Variants in STAB1 observed in about 807,000 individuals in gnomAD.
The protein encoded by STAB1 is stabilin 1.
A neutral mutation model predicts 332.4 loss-of-function variants in STAB1; 250 were observed. That is an observed-to-expected ratio of 0.75 (90% CI 0.68 to 0.84). The LOEUF is 0.84. Ranked by LOEUF, STAB1 falls within the 40% of genes least tolerant of loss-of-function variation. STAB1 has a pLI of 0.00. For missense variants in STAB1, 3,249 were observed against 3,489.7 expected, an observed-to-expected ratio of 0.93 and a Z score of 1.74; for synonymous variants, 1,475 against 1,390.4, an observed-to-expected ratio of 1.06 and a Z score of -1.35.
At chr3:52,498,704 C>G (rs1023451250) in intron 1 of STAB1, among the ~76,000 whole-genome samples, 1 of 152,232 alleles carries the variant, frequency 6.6e-6, no homozygotes, top group Admixed American at 6.5e-5. Context: ...GGTCCACAGC[C>G]AGAATGGTGA....
intron 30 of STAB1, among the ~76,000 whole-genome samples, 155 bp downstream of exon 30, chr3:52,513,396 C>T (rs1270388871): frequency 2.6e-5 from 4 of 152,202 alleles, no homozygotes; most frequent in Non-Finnish European, 5.9e-5. Flanking sequence ...GCTCAGGACG[C>T]ATTGCTGATG....
At chr3:52,509,360 A>G (rs1490992885) in intron 22 of STAB1, 39 bp downstream of exon 22, 3 of 1,584,224 alleles carry the variant, frequency 1.9e-6, no homozygotes, top group Non-Finnish European at 2.6e-6. Flanking sequence ...TAGGGAGAAA[A>G]AACGTCTGCC....
At chr3:52,515,894 C>T in intron 37 of STAB1, 149 bp from the exon 38 acceptor site, 1 of 913,308 alleles carries the variant, frequency 1.1e-6, no homozygotes, top group South Asian at 1.8e-5. Flanking sequence ...ATCTCTGTGT[C>T]TCTTTCAGCT....
In STAB1 at chr3:52,523,904, G is replaced by A. The variant is rs1217673201; in HGVS notation, c.7429G>A (p.Ala2477Thr). The part of the protein sequence containing the change: ...AVLAPEAPPV[A>T]AGVGAVLAAG... ...GCTGGCGCCTGAAGCCCCACCTGTG[G>A]CGGCAGGCGTGGGGGCTGTGCTTGC... is the stretch of plus-strand genomic sequence containing the variant. The change falls in exon 67 of 69, where the codon GCG becomes ACG. Residue 2477 changes from alanine (A) to threonine (T), a missense_variant. Transcript: ENST00000321725. 6.2e-7 allele frequency: 1 copy of A among 1,606,966 alleles called. No individual in the cohort carries two copies. The highest frequency in any genetic ancestry group is 1.7e-5 in the Admixed American group (1 of 59,972).
At chr3:52,507,510 T>C (rs542917370) in intron 18 of STAB1, 103 bp from the exon 19 acceptor site, 3 of 1,275,086 alleles carry the variant, frequency 2.4e-6, no homozygotes, top group Middle Eastern at 1.9e-4. Flanking sequence ...TGTGGTTGGC[T>C]CTTCTCATCC....
chr3:52,500,514 T>C (rs1033979810), intron 1 of STAB1, among the ~76,000 whole-genome samples: 4 of 152,202 alleles, frequency 2.6e-5, no homozygotes, highest in African/African-American at 9.7e-5. Flanking sequence ...AGAAAGCCCT[T>C]GCGCTTGGTT....
intron 60 of STAB1, 38 bp downstream of exon 60, chr3:52,522,512 C>G: frequency 1.9e-6 from 3 of 1,613,068 alleles, no homozygotes; most frequent in Non-Finnish European, 2.5e-6. Context: ...CCATTTCATT[C>G]CTCAGAGCCG....
chr3:52,519,684 G>A, intron 50 of STAB1, 120 bp downstream of exon 50: 1 of 1,419,532 alleles, frequency 7.0e-7, no homozygotes, highest in African/African-American at 1.4e-5. Flanking sequence ...GTGTGAGCCT[G>A]TGTGAACTCA....
chr3:52,500,424 C>G (rs1386318736), intron 1 of STAB1, among the ~76,000 whole-genome samples: 2 of 152,266 alleles, frequency 1.3e-5, no homozygotes, highest in African/African-American at 4.8e-5. Context: ...ACTTGCAGAC[C>G]AGAGTCCCTG....
Position 52,520,128 on chromosome 3 carries a change from C to T in STAB1, c.5412+8C>T. 1 of 1,611,598 alleles carries T rather than the reference C, an allele frequency of 6.2e-7. No individual in the cohort carries two copies. Among genetic ancestry groups the T allele is most frequent in the Non-Finnish European group, 8.5e-7 (1 of 1,178,762 alleles). ...ATGATTCGCAATGTCGAGGTGGGTG[C>T]AGCCCCCAACCTTGGTCTTCACTGC... On this transcript the variant is annotated splice_region_variant and intron_variant, in intron 51 of 68. Transcript: ENST00000321725.
chr3:52,500,381 G>A (rs1708354699), intron 1 of STAB1, among the ~76,000 whole-genome samples: 1 of 152,238 alleles, frequency 6.6e-6, no homozygotes, highest in Admixed American at 6.5e-5. Flanking sequence ...GGCTGGCATG[G>A]CCCGTTGTCT....
chr3:52,508,073 C>T, intron 20 of STAB1, 47 bp downstream of exon 20: 1 of 1,582,218 alleles, frequency 6.3e-7, no homozygotes, highest in African/African-American at 1.3e-5. Flanking sequence ...TGGGCACCTG[C>T]TGTTCCTCGG....
chr3:52,524,387 C>T lies in STAB1; in HGVS notation c.*31C>T, dbSNP rs1230792815. Reference sequence around the variant, plus strand: ...CTGGGGCTGAAAGCAGAAGCATGCACAGGGAGGAGACCACTTTTATTGCTT... The same window carrying T: ...CTGGGGCTGAAAGCAGAAGCATGCATAGGGAGGAGACCACTTTTATTGCTT... On this transcript the variant is annotated 3_prime_UTR_variant, in exon 69 of 69. Transcript: ENST00000321725. 6.2e-7 allele frequency: 1 copy of T among 1,613,230 alleles called. No homozygotes were observed. The highest frequency in any genetic ancestry group is 8.5e-7 in the Non-Finnish European group (1 of 1,179,776).
At position 52,513,925 on chromosome 3, in the gene STAB1, T is replaced by G; in HGVS notation, c.3391T>G (p.Leu1131Val). Residue 1131 changes from leucine to valine, a missense_variant, in exon 32 of 69, where the codon TTG becomes GTG. Leu to Val is a conservative substitution (Grantham distance 32). Transcript: ENST00000321725. Reference sequence around the variant, plus strand: ...AGGGGATGTGCCCGGTGGGCAGGGGTTGCTGCAGCAGCTGGACTTGGTGCC... The same window carrying G: ...AGGGGATGTGCCCGGTGGGCAGGGGGTGCTGCAGCAGCTGGACTTGGTGCC... The part of the protein sequence containing the change: ...PRGDVPGGQG[L>V]LQQLDLVPAF... 6.2e-7 allele frequency: 1 copy of G among 1,605,634 alleles called. No homozygotes were observed. Among genetic ancestry groups the G allele is most frequent in the Non-Finnish European group, 8.5e-7 (1 of 1,174,370 alleles).
rs374600900 is a variant in STAB1 at position 52,519,411 on chromosome 3, C to A, written c.5175+7C>A. The stretch of plus-strand genomic sequence containing the variant: ...TGATGCTCCCATCCCGAGGGTATGA[C>A]AAGCACGGGCCTGGGAGCTGGAAGA... On this transcript the variant is annotated splice_region_variant and intron_variant, in intron 49 of 68. Transcript: ENST00000321725. The A allele has an allele frequency of 6.2e-6, 10 of 1,612,918 alleles. No individual in the cohort carries two copies. Among genetic ancestry groups the A allele is most frequent in the Admixed American group, 1.7e-5 (1 of 60,016 alleles).
rs777077635 is a variant in STAB1, at chr3:52,516,223, C to A, written c.4129C>A (p.Pro1377Thr). ...GGTGTGTGAGCTGGGCCGCTACGGG[C>A]CCAACTGCACCGGAGGTGAGGACTG... is the stretch of plus-strand genomic sequence containing the variant. ...CEVCELGRYG[P>T]NCTGVCDCAH... The change falls in exon 38 of 69, where the codon CCC becomes ACC. Residue 1377 changes from proline to threonine, a missense_variant. Coordinates refer to ENST00000321725, the MANE Select transcript of STAB1 (RefSeq NM_015136.3). 3 of 1,611,964 alleles carry A rather than the reference C, an allele frequency of 1.9e-6. No homozygotes were observed. The highest frequency in any genetic ancestry group is 2.5e-6 in the Non-Finnish European group (3 of 1,179,614).
intron 37 of STAB1, 142 bp downstream of exon 37, chr3:52,515,648 G>T (rs2078838267): frequency 7.1e-6 from 6 of 849,694 alleles, no homozygotes; most frequent in African/African-American, 1.7e-5. Context: ...AGAGGAAGGA[G>T]ATGGGAGAGA....
chr3:52,498,727 C>A (rs1242298769), intron 1 of STAB1, among the ~76,000 whole-genome samples: 1 of 152,240 alleles, frequency 6.6e-6, no homozygotes, highest in African/African-American at 2.4e-5. Context: ...GCGCTGGCAG[C>A]TTTGCCCAGC....
chr3:52,501,386 A>G, intron 2 of STAB1, 84 bp downstream of exon 2: 2 of 1,555,890 alleles, frequency 1.3e-6, no homozygotes, highest in South Asian at 2.3e-5. Context: ...GGCCCACAAA[A>G]TGAGGAGAAG....
Sources: gnomAD v4.1 joint callset for allele counts (sites outside exome capture counted in the v4.1 genomes callset) on GRCh38, gnomAD v4.1.1 for gene constraint, MANE v1.5 for transcripts, NCBI Gene and HGNC (gene_info 2026-07-23, HGNC 2026-07-21) for gene names.